Variants in ASTN2 observed in about 807,000 individuals in gnomAD.
ASTN2 encodes the protein astrotactin-2.
A neutral mutation model predicts 139.8 loss-of-function variants in ASTN2; 54 were observed. That is an observed-to-expected ratio of 0.39 (90% CI 0.31 to 0.48). ASTN2 has a LOEUF of 0.48. Among genes scored for constraint, ASTN2 ranks in the 20% least tolerant of loss-of-function variants. The pLI, the probability that ASTN2 is intolerant of heterozygous loss-of-function variation, is 0.95. For missense variants in ASTN2, 1,565 were observed against 1,725.1 expected (o/e 0.91, Z 1.64); for synonymous variants, 756 against 719.5 (o/e 1.05, Z -0.81).
At chr9:117,211,749 T>A (rs936106138) in intron 3 of ASTN2, among the ~76,000 whole-genome samples, 3 of 152,186 alleles carry the variant, frequency 2.0e-5, no homozygotes, top group African/African-American at 7.2e-5. Flanking sequence ...GAAGCACTTC[T>A]ATACATAAAC....
At chr9:117,190,375 C>T (rs1224957011) in intron 3 of ASTN2, among the ~76,000 whole-genome samples, 1 of 152,338 alleles carries the variant, frequency 6.6e-6, no homozygotes, top group Middle Eastern at 3.4e-3. Flanking sequence ...AGTACAATCT[C>T]TATTCTCTGC....
At chr9:117,258,484 G>C (rs1032009921) in intron 2 of ASTN2, among the ~76,000 whole-genome samples, 6 of 152,156 alleles carry the variant, frequency 3.9e-5, no homozygotes, top group Non-Finnish European at 8.8e-5. Context: ...TGCAGCAAAG[G>C]AGGTGGATAA....
At chr9:117,323,130 G>T (rs988955962) in intron 1 of ASTN2, among the ~76,000 whole-genome samples, 1 of 151,876 alleles carries the variant, frequency 6.6e-6, no homozygotes, top group Non-Finnish European at 1.5e-5. Context: ...TAGTATGTCT[G>T]GTGCAGAGAC....
Position 116,976,285 on chromosome 9 carries a change from A to T in ASTN2, c.1677-97T>A, listed in dbSNP as rs138986308. Reference sequence around the variant, plus strand: ...CTCTAGAGTAGCTTTACAAACAACCAAACTCTGCAGAAATAATTATTGGGC... The same window carrying T: ...CTCTAGAGTAGCTTTACAAACAACCTAACTCTGCAGAAATAATTATTGGGC... On this transcript the variant is annotated intron_variant, in intron 8 of 22. Coordinates refer to ENST00000313400, the MANE Select transcript of ASTN2 (RefSeq NM_001365068.1). 7.4e-4 allele frequency: 692 copies of T among 937,768 alleles called. 5 individuals are homozygous for T. The highest frequency in any genetic ancestry group is 3.9e-3 in the East Asian group (159 of 40,946). 58.1% of individuals were successfully genotyped at this position (937,768 alleles called of 1,614,324 possible).
rs1378840247 is a variant in ASTN2 at position 116,658,594 on chromosome 9, A to T, written c.2807-6801T>A. 5.3e-5 allele frequency among the ~76,000 whole-genome samples: 8 copies of T among 152,116 alleles called. No individual in the cohort carries two copies. In the East Asian group the frequency reaches 1.4e-3, roughly 26 times the overall value. Reference sequence around the variant, plus strand: ...CCAGGTCTTACGAGAAGTCCCAAGCATTGGGGACCGCTGAAAAGCCCCTGA... The same window carrying T: ...CCAGGTCTTACGAGAAGTCCCAAGCTTTGGGGACCGCTGAAAAGCCCCTGA... On this transcript the variant is annotated intron_variant, in intron 16 of 22. Coordinates refer to ENST00000313400, the MANE Select transcript of ASTN2 (RefSeq NM_001365068.1).
chr9:117,176,653 C>T (rs889024448), intron 3 of ASTN2, among the ~76,000 whole-genome samples: 2 of 152,106 alleles, frequency 1.3e-5, no homozygotes, highest in African/African-American at 4.8e-5. Flanking sequence ...ACTTACAGTG[C>T]CAGGTACAGT....
Position 117,292,074 on chromosome 9 carries a change from A to T in ASTN2, c.443-561T>A, listed in dbSNP as rs1834608206. Among the ~76,000 whole-genome samples, 3 of 152,244 alleles carry T rather than the reference A, an allele frequency of 2.0e-5. No individual in the cohort carries two copies. In the East Asian group the frequency reaches 5.8e-4, roughly 30 times the overall value. On this transcript the variant is annotated intron_variant, in intron 1 of 22. Coordinates refer to ENST00000313400, the MANE Select transcript of ASTN2 (RefSeq NM_001365068.1). Reference sequence around the variant, plus strand: ...GTGTTCCTCTTGCTTCCACAAGAGCAGCTCCATTTTTTGTAAGGTATATAC... The same window carrying T: ...GTGTTCCTCTTGCTTCCACAAGAGCTGCTCCATTTTTTGTAAGGTATATAC...
At chr9:117,136,538 T>G (rs1829954987) in intron 4 of ASTN2, among the ~76,000 whole-genome samples, 4 of 152,066 alleles carry the variant, frequency 2.6e-5, no homozygotes, top group Admixed American at 2.6e-4. Flanking sequence ...AGGCCCCCAG[T>G]GCAAGTGACA....
intron 11 of ASTN2, among the ~76,000 whole-genome samples, chr9:116,834,074 C>T (rs551523988): frequency 1.6e-4 from 25 of 152,352 alleles, no homozygotes; most frequent in South Asian, 4.1e-4. Context: ...TGTTATTTTG[C>T]TACAGCAGTC....
At chr9:117,381,364 C>T (rs968432550) in intron 1 of ASTN2, among the ~76,000 whole-genome samples, 2 of 152,066 alleles carry the variant, frequency 1.3e-5, no homozygotes, top group African/African-American at 4.8e-5. Flanking sequence ...TACATTCCAA[C>T]ATGTATCTCA....
intron 1 of ASTN2, among the ~76,000 whole-genome samples, chr9:117,322,053 G>C (rs936171310): frequency 2.0e-5 from 3 of 152,100 alleles, no homozygotes; most frequent in African/African-American, 7.2e-5. Flanking sequence ...TGGTCCCTCT[G>C]TTTGGAATCT....
In ASTN2 at chr9:116,850,869, G is replaced by T. The variant is rs115398526; in HGVS notation, c.2040+12714C>A. Among the ~76,000 whole-genome samples, 926 of 152,290 alleles carry T rather than the reference G, an allele frequency of 6.1e-3. 8 individuals carry two copies. Among genetic ancestry groups the T allele is most frequent in the African/African-American group, 0.021 (868 of 41,558 alleles). On this transcript the variant is annotated intron_variant, in intron 11 of 22. Coordinates refer to ENST00000313400, the MANE Select transcript of ASTN2 (RefSeq NM_001365068.1). Reference sequence around the variant, plus strand: ...AGTCTACACCAGAGGGAATCATTATGGAAGGAGAAAGTTCATCCTATCATT... The same window carrying T: ...AGTCTACACCAGAGGGAATCATTATTGAAGGAGAAAGTTCATCCTATCATT...
At chr9:116,867,429 A>G (rs4837958) in intron 10 of ASTN2, among the ~76,000 whole-genome samples, 81,166 of 151,260 alleles carry the variant, frequency 0.54, 22,448 homozygotes, top group South Asian at 0.69. Context: ...GGGTGCCTGT[A>G]GTCCCAGCTA....
intron 5 of ASTN2, among the ~76,000 whole-genome samples, chr9:117,064,152 T>C (rs1827863254): frequency 6.6e-6 from 1 of 151,618 alleles, no homozygotes; most frequent in Non-Finnish European, 1.5e-5. Flanking sequence ...TCTCAAGGTG[T>C]TTTACAAGCA....
chr9:116,699,230 C>A lies in ASTN2; in HGVS notation c.2806+26541G>T, dbSNP rs371233848. 1.9e-6 allele frequency: 3 copies of A among 1,614,114 alleles called. No individual in the cohort carries two copies. Among genetic ancestry groups the A allele is most frequent in the African/African-American group, 1.3e-5 (1 of 74,944 alleles). The stretch of plus-strand genomic sequence containing the variant: ...TGGAAGGTGGAAAGCTTTGGTGTTT[C>A]ACAGTTGATCGAGGATCAGGGGTGG... On this transcript the variant is annotated intron_variant, in intron 16 of 22. Transcript: ENST00000313400. The surrounding 1 kb of genome is among the most constrained non-coding windows in gnomAD (Gnocchi z 4.2).
At chr9:117,273,170 G>A (rs1834105354) in intron 2 of ASTN2, among the ~76,000 whole-genome samples, 1 of 152,152 alleles carries the variant, frequency 6.6e-6, no homozygotes, top group South Asian at 2.1e-4. Flanking sequence ...AGAAAATGAG[G>A]AAGAAGCAAA....
intron 19 of ASTN2, among the ~76,000 whole-genome samples, chr9:116,500,166 C>A (rs1849805909): frequency 6.6e-6 from 1 of 152,164 alleles, no homozygotes; most frequent in Non-Finnish European, 1.5e-5. Context: ...CCCTTTGACT[C>A]TACTATCCCT....
At chr9:116,538,849 C>G (rs1564354268) in intron 19 of ASTN2, among the ~76,000 whole-genome samples, 1 of 151,858 alleles carries the variant, frequency 6.6e-6, no homozygotes, top group African/African-American at 2.4e-5. Flanking sequence ...ACATTTCAGG[C>G]CAAACTCCTT....
chr9:116,752,160 T>A (rs1385370799), intron 13 of ASTN2, among the ~76,000 whole-genome samples: 2 of 152,140 alleles, frequency 1.3e-5, no homozygotes, highest in Non-Finnish European at 2.9e-5. Flanking sequence ...AAGAGATCCA[T>A]GGAACAGAAT....
Sources: allele counts gnomAD v4.1 joint callset (sites outside exome capture counted in the v4.1 genomes callset), GRCh38; gene constraint gnomAD v4.1.1; non-coding constraint Gnocchi (gnomAD v3.1); transcripts MANE v1.5; gene names NCBI Gene and HGNC (gene_info 2026-07-23, HGNC 2026-07-21).